The following EXOC6B variants were observed in gnomAD, a reference collection of about 807,000 sequenced individuals.
The protein encoded by EXOC6B is exocyst complex component 6B, also known as SEC15 homolog B.
In EXOC6B, 54 loss-of-function variants were observed where a neutral mutation model predicts 113.5. The ratio of observed to expected loss-of-function variants is 0.48; its 90% CI spans 0.38 to 0.60. EXOC6B has a LOEUF of 0.60. Among genes scored for constraint, EXOC6B ranks in the 20% least tolerant of loss-of-function variants. The probability of loss-of-function intolerance (pLI) is 0.00; values close to 1 mark genes in which losing one functional copy is unlikely to be tolerated. For synonymous variants in EXOC6B, 357 were observed against 339.0 expected, an observed-to-expected ratio of 1.05 and a Z score of -0.58; for missense variants, 797 against 977.5, an observed-to-expected ratio of 0.82 and a Z score of 2.46.
chr2:72,660,086 C>T (rs1674895269), intron 6 of EXOC6B, among the ~76,000 whole-genome samples: 1 of 151,144 alleles, frequency 6.6e-6, no homozygotes, highest in Non-Finnish European at 1.5e-5. Flanking sequence ...TACATCAATC[C>T]TCTTTTTTTT....
rs1159794341 is a variant in EXOC6B at position 72,708,896 on chromosome 2, ATTTT to A, written c.669+9203_669+9206del. 7.9e-4 allele frequency among the ~76,000 whole-genome samples: 55 copies of A among 69,798 alleles called. 1 individual carries two copies. Among genetic ancestry groups the A allele is most frequent in the African/African-American group, 3.0e-3 (53 of 17,710 alleles). The allele number at this position is 69,798 out of a possible 152,430, so 45.8% of individuals were successfully genotyped here. A position where few individuals can be genotyped will look rare whatever the true frequency, so the allele number is the denominator to read the frequency against. ...AGGCTTGTGCCACCACATCCAGCTA[ATTTT>A]TTTTTTTTTTTTTTTTTTTTTTTTG... On this transcript the variant is annotated intron_variant, in intron 6 of 21. Transcript: ENST00000272427.
intron 21 of EXOC6B, among the ~76,000 whole-genome samples, chr2:72,182,633 A>AC (rs1156980976): frequency 2.6e-5 from 4 of 151,736 alleles, no homozygotes; most frequent in Non-Finnish European, 5.9e-5. Context: ...AATGGGAACA[A>AC]CCCTTTACCT....
intron 18 of EXOC6B, among the ~76,000 whole-genome samples, chr2:72,381,794 T>C (rs1485999845): frequency 2.0e-5 from 3 of 152,224 alleles, no homozygotes; most frequent in East Asian, 3.8e-4. Context: ...TATTACTTCA[T>C]TGCATAATCA....
At chr2:72,449,046 A>C (rs973596791) in intron 18 of EXOC6B, among the ~76,000 whole-genome samples, 2 of 152,250 alleles carry the variant, frequency 1.3e-5, no homozygotes, top group African/African-American at 4.8e-5. Context: ...CTTAAGCCTA[A>C]AAGAAAAATA....
At chr2:72,702,262 T>C (rs1273034944) in intron 6 of EXOC6B, among the ~76,000 whole-genome samples, 1 of 151,380 alleles carries the variant, frequency 6.6e-6, no homozygotes, top group Non-Finnish European at 1.5e-5. Context: ...CATCATTTTT[T>C]ATGGCTACAT....
intron 1 of EXOC6B, among the ~76,000 whole-genome samples, chr2:72,768,073 T>C (rs1683197861): frequency 7.3e-6 from 1 of 137,776 alleles, no homozygotes; most frequent in South Asian, 2.3e-4. Context: ...GTTGAGATCA[T>C]GCCACTGCAC....
chr2:72,411,082 G>A (rs1382390494), intron 18 of EXOC6B, among the ~76,000 whole-genome samples: 6 of 152,096 alleles, frequency 3.9e-5, no homozygotes, highest in Admixed American at 6.6e-5. Flanking sequence ...GGTGGTGCAC[G>A]CCTGTGGTCC....
At chr2:72,389,456 CTTT>C in intron 18 of EXOC6B, among the ~76,000 whole-genome samples, 1 of 151,848 alleles carries the variant, frequency 6.6e-6, no homozygotes, top group East Asian at 1.9e-4. Context: ...TGAGTAAAAA[CTTT>C]TTTATCTTAA....
At chr2:72,193,088 T>C (rs1678950973) in intron 20 of EXOC6B, among the ~76,000 whole-genome samples, 1 of 152,186 alleles carries the variant, frequency 6.6e-6, no homozygotes, top group Non-Finnish European at 1.5e-5. Flanking sequence ...CATTATAAAG[T>C]ATTTTCATAA....
intron 20 of EXOC6B, among the ~76,000 whole-genome samples, chr2:72,271,467 T>C (rs1015339051): frequency 6.6e-6 from 1 of 151,556 alleles, no homozygotes; most frequent in African/African-American, 2.4e-5. Flanking sequence ...AGGAGAGAGT[T>C]GGGGAAGGAG....
intron 16 of EXOC6B, among the ~76,000 whole-genome samples, chr2:72,481,601 T>C (rs952564392): frequency 6.6e-6 from 1 of 152,224 alleles, no homozygotes; most frequent in East Asian, 1.9e-4. Context: ...AGAAAGAACA[T>C]GGGCATCAAA....
chr2:72,518,483 G>GGTGTGTGTGTGTGTGT (rs138382972), intron 8 of EXOC6B, among the ~76,000 whole-genome samples: 2 of 143,382 alleles, frequency 1.4e-5, no homozygotes, highest in African/African-American at 5.1e-5. Context: ...ATTAAAGTAG[G>GGTGTGTGTGTGTGTGT]GTGTGTGTGT....
At chr2:72,296,359 G>T (rs569697117) in intron 20 of EXOC6B, among the ~76,000 whole-genome samples, 1 of 152,122 alleles carries the variant, frequency 6.6e-6, no homozygotes, top group East Asian at 1.9e-4. Flanking sequence ...AATTTCCTTG[G>T]CTTTCTAATG....
At position 72,559,478 on chromosome 2, in the gene EXOC6B, C is replaced by T. The variant is rs375877299; in HGVS notation, c.890G>A (p.Arg297Gln). ...CAGGACAGAATATATATGTAGACAT[C>T]GATAAACTGGAGAGAAATCCACCAA... ...QDLVDFSPVY[R>Q]CLHIYSVLGA... The change falls in exon 8 of 22, where the codon CGA becomes CAA. Residue 297 changes from arginine to glutamine, a missense_variant. By Grantham distance (43) the Arg-to-Gln change is conservative. Transcript: ENST00000272427. The T allele has an allele frequency of 4.7e-5, 76 of 1,612,200 alleles. No homozygotes were observed. The highest frequency in any genetic ancestry group is 6.0e-5 in the Non-Finnish European group (71 of 1,179,202).
intron 19 of EXOC6B, among the ~76,000 whole-genome samples, chr2:72,379,361 T>C (rs1299448834): frequency 1.3e-5 from 2 of 152,224 alleles, no homozygotes. Context: ...GCATATAAGA[T>C]GTAGCTAGTT....
intron 18 of EXOC6B, among the ~76,000 whole-genome samples, chr2:72,383,677 A>G (rs1047861197): frequency 7.2e-5 from 11 of 152,230 alleles, no homozygotes; most frequent in Non-Finnish European, 1.2e-4. Flanking sequence ...AAATTGTTTT[A>G]CCATAAAGAC....
At chr2:72,203,262 C>G (rs564799458) in intron 20 of EXOC6B, among the ~76,000 whole-genome samples, 6 of 152,290 alleles carry the variant, frequency 3.9e-5, no homozygotes, top group African/African-American at 1.2e-4. Flanking sequence ...CAATCAGTCC[C>G]AGGCACAATA....
chr2:72,560,340 C>A (rs1703822523), intron 7 of EXOC6B, among the ~76,000 whole-genome samples: 1 of 150,972 alleles, frequency 6.6e-6, no homozygotes, highest in Admixed American at 6.6e-5. Flanking sequence ...AAATGTTGAA[C>A]AAAACAAAAT....
intron 8 of EXOC6B, among the ~76,000 whole-genome samples, chr2:72,540,187 G>C: frequency 6.6e-6 from 1 of 151,752 alleles, no homozygotes; most frequent in Non-Finnish European, 1.5e-5. Flanking sequence ...TCTTAATCCA[G>C]TCTATCATTG....
Sources: gnomAD v4.1 joint callset for allele counts (sites outside exome capture counted in the v4.1 genomes callset) on GRCh38, gnomAD v4.1.1 for gene constraint, MANE v1.5 for transcripts, NCBI Gene and HGNC (gene_info 2026-07-23, HGNC 2026-07-21) for gene names.